Variants in MACROD2 observed in about 807,000 individuals in gnomAD.
MACROD2 encodes ADP-ribose glycohydrolase MACROD2.
A neutral mutation model predicts 70.4 loss-of-function variants in MACROD2; 36 were observed. The observed-to-expected ratio is 0.51, with a 90% confidence interval of 0.39 to 0.68. The LOEUF is 0.68. Ranked by LOEUF, MACROD2 falls within the 30% of genes least tolerant of loss-of-function variation. The probability of loss-of-function intolerance (pLI) is 0.00; values close to 1 mark genes in which losing one functional copy is unlikely to be tolerated. For missense variants in MACROD2, 496 were observed against 538.4 expected (o/e 0.92, Z 0.78); for synonymous variants, 172 against 178.8 (o/e 0.96, Z 0.30).
chr20:14,013,506 T>A (rs1248633711), intron 2 of MACROD2, among the ~76,000 whole-genome samples: 1 of 151,988 alleles, frequency 6.6e-6, no homozygotes, highest in Non-Finnish European at 1.5e-5. Context: ...TCTCCTGACC[T>A]CGTGATCTGC....
chr20:14,037,997 AAAAC>A (rs1376687955), intron 2 of MACROD2, among the ~76,000 whole-genome samples: 7 of 152,110 alleles, frequency 4.6e-5, no homozygotes, highest in African/African-American at 7.2e-5. Flanking sequence ...TCTCAATTAA[AAAAC>A]AAACAAACAA....
chr20:15,494,329 A>G (rs1257116336), intron 7 of MACROD2, among the ~76,000 whole-genome samples: 2 of 152,174 alleles, frequency 1.3e-5, no homozygotes, highest in Non-Finnish European at 2.9e-5. Flanking sequence ...TCCTGGATAT[A>G]TACTCAACAG....
At chr20:14,657,012 T>C (rs1986010226) in intron 4 of MACROD2, among the ~76,000 whole-genome samples, 1 of 152,114 alleles carries the variant, frequency 6.6e-6, no homozygotes, top group East Asian at 1.9e-4. Context: ...CTCCCACACA[T>C]ACCTATGCAC....
intron 6 of MACROD2, among the ~76,000 whole-genome samples, chr20:15,358,399 A>G (rs1459202792): frequency 2.0e-5 from 3 of 152,208 alleles, no homozygotes; most frequent in African/African-American, 7.2e-5. Context: ...TTTTTAAGTG[A>G]CATTCTAGAA....
chr20:14,859,095 G>A (rs1035792571), intron 5 of MACROD2, among the ~76,000 whole-genome samples: 3 of 151,994 alleles, frequency 2.0e-5, no homozygotes, highest in Non-Finnish European at 4.4e-5. Flanking sequence ...GGAGGGGGGT[G>A]AGCGGTAAAA....
intron 13 of MACROD2, among the ~76,000 whole-genome samples, chr20:15,974,225 A>G (rs1341938705): frequency 1.3e-5 from 2 of 152,192 alleles, no homozygotes; most frequent in Non-Finnish European, 2.9e-5. Flanking sequence ...AAATAAACTG[A>G]ATCCCAACCT....
chr20:14,072,501 A>G (rs1424129589), intron 2 of MACROD2, among the ~76,000 whole-genome samples: 1 of 151,920 alleles, frequency 6.6e-6, no homozygotes. Flanking sequence ...CCTTCTTACC[A>G]GCTGTGTGTA....
chr20:15,842,610 C>T (rs1021120267), intron 8 of MACROD2, among the ~76,000 whole-genome samples: 1 of 151,426 alleles, frequency 6.6e-6, no homozygotes, highest in Non-Finnish European at 1.5e-5. Flanking sequence ...GCTATTTGAA[C>T]ATCACAAATA....
chr20:14,808,419 G>A (rs1600684190), intron 5 of MACROD2, among the ~76,000 whole-genome samples: 1 of 151,968 alleles, frequency 6.6e-6, no homozygotes, highest in Middle Eastern at 3.4e-3. Context: ...TGCCTTACAA[G>A]AGCTCCTGAA....
At chr20:14,645,283 TG>T (rs1320544927) in intron 4 of MACROD2, among the ~76,000 whole-genome samples, 2 of 152,102 alleles carry the variant, frequency 1.3e-5, no homozygotes, top group African/African-American at 2.4e-5. Flanking sequence ...ATGAGTCTGT[TG>T]AATTTTTCAT....
chr20:15,661,941 T>G (rs1050513820), intron 8 of MACROD2, among the ~76,000 whole-genome samples: 5 of 152,192 alleles, frequency 3.3e-5, no homozygotes, highest in Admixed American at 2.6e-4. Context: ...TACGATCTGG[T>G]CCTTAATCAC....
intron 3 of MACROD2, among the ~76,000 whole-genome samples, chr20:14,187,827 G>A (rs2081357249): frequency 6.6e-6 from 1 of 152,108 alleles, no homozygotes; most frequent in South Asian, 2.1e-4. Context: ...CTTTGAATCT[G>A]AGGTCTGTAT....
intron 3 of MACROD2, among the ~76,000 whole-genome samples, chr20:14,344,946 T>G (rs2083048693): frequency 6.6e-6 from 1 of 152,204 alleles, no homozygotes; most frequent in African/African-American, 2.4e-5. Flanking sequence ...AGTGCTCACG[T>G]GTAATCCTGT....
At chr20:15,058,548 GTATTTC>G (rs2075505825) in intron 5 of MACROD2, among the ~76,000 whole-genome samples, 1 of 152,130 alleles carries the variant, frequency 6.6e-6, no homozygotes, top group African/African-American at 2.4e-5. Flanking sequence ...TAGGCATACT[GTATTTC>G]TATTTGCTAA....
intron 2 of MACROD2, among the ~76,000 whole-genome samples, chr20:14,014,584 G>A (rs1469807196): frequency 6.6e-6 from 1 of 152,088 alleles, no homozygotes; most frequent in Non-Finnish European, 1.5e-5. Flanking sequence ...CAATAATTTA[G>A]AGGGTATGCA....
intron 15 of MACROD2, among the ~76,000 whole-genome samples, chr20:15,991,211 C>G (rs768255209): frequency 6.6e-6 from 1 of 152,204 alleles, no homozygotes; most frequent in Non-Finnish European, 1.5e-5. Context: ...CCATCACCAT[C>G]TTTCTTAGTC....
At chr20:14,046,412 G>T (rs1407165376) in intron 2 of MACROD2, among the ~76,000 whole-genome samples, 1 of 152,174 alleles carries the variant, frequency 6.6e-6, no homozygotes, top group Non-Finnish European at 1.5e-5. Flanking sequence ...TATTGTGTTG[G>T]TGAGTATGTG....
chr20:15,802,416 A>G (rs1006672385), intron 8 of MACROD2, among the ~76,000 whole-genome samples: 1 of 152,110 alleles, frequency 6.6e-6, no homozygotes, highest in African/African-American at 2.4e-5. Flanking sequence ...GTTGGATTTT[A>G]TTGAATGCTT....
chr20:14,139,422 C>T (rs1270722862), intron 3 of MACROD2, among the ~76,000 whole-genome samples: 1 of 152,202 alleles, frequency 6.6e-6, no homozygotes, highest in Admixed American at 6.5e-5. Flanking sequence ...ATTTCTGACT[C>T]CAAAACCTAT....
Sources: allele counts gnomAD v4.1 joint callset (sites outside exome capture counted in the v4.1 genomes callset), GRCh38; gene constraint gnomAD v4.1.1; transcripts MANE v1.5; gene names NCBI Gene and HGNC (gene_info 2026-07-23, HGNC 2026-07-21).